DDC: variants seen among roughly 807,000 people sequenced by gnomAD.
DDC encodes aromatic-L-amino-acid decarboxylase.
DDC carries 43 observed loss-of-function variants against 60.0 expected under a neutral mutation model. The observed-to-expected ratio is 0.72, with a 90% CI of 0.56 to 0.92. The LOEUF is 0.92. DDC is among the 40% of genes least tolerant of loss of function. The probability of loss-of-function intolerance (pLI) is 0.00; values close to 1 mark genes in which losing one functional copy is unlikely to be tolerated. For missense variants in DDC, 573 were observed against 620.2 expected, an observed-to-expected ratio of 0.92 and a Z score of 0.81; for synonymous variants, 232 against 234.6, an observed-to-expected ratio of 0.99 and a Z score of 0.10.
At chr7:50,469,245 A>G in intron 12 of DDC, among the ~76,000 whole-genome samples, 1 of 110,066 alleles carries the variant, frequency 9.1e-6, no homozygotes. Context: ...CACCCAGCCA[A>G]TTGTTATTTT....
intron 4 of DDC, among the ~76,000 whole-genome samples, chr7:50,537,296 C>A (rs1299784372): frequency 6.6e-6 from 1 of 152,220 alleles, no homozygotes; most frequent in East Asian, 1.9e-4. Flanking sequence ...GAAGCCTGGT[C>A]ACATCTGCCA....
At chr7:50,490,506 T>C (rs1349139156) in intron 9 of DDC, among the ~76,000 whole-genome samples, 1 of 152,116 alleles carries the variant, frequency 6.6e-6, no homozygotes, top group Non-Finnish European at 1.5e-5. Context: ...CCATCTCTAC[T>C]AAAAATACAA....
intron 11 of DDC, among the ~76,000 whole-genome samples, chr7:50,475,178 C>A (rs1411710002): frequency 6.6e-6 from 1 of 152,144 alleles, no homozygotes; most frequent in Non-Finnish European, 1.5e-5. Flanking sequence ...CTGAGAAAGG[C>A]CACGAACCAG....
intron 6 of DDC, among the ~76,000 whole-genome samples, chr7:50,517,553 A>G (rs1207835261): frequency 2.6e-5 from 4 of 152,188 alleles, no homozygotes; most frequent in Admixed American, 1.3e-4. Flanking sequence ...TCTTTACAAC[A>G]TAGTACTGGA....
intron 6 of DDC, chr7:50,527,895 C>A (rs900558840): frequency 9.4e-6 from 4 of 426,110 alleles, no homozygotes; most frequent in African/African-American, 2.0e-5. Context: ...AAAAGCGTTT[C>A]TCAAAGATTA....
intron 4 of DDC, 60 bp downstream of exon 4, chr7:50,537,790 CCCACCTGCGG>C: frequency 6.2e-7 from 1 of 1,600,346 alleles, no homozygotes; most frequent in Non-Finnish European, 8.6e-7. Context: ...TGCCTCTTTC[CCCACCTGCGG>C]CTACAGTCCT....
At chr7:50,532,841 C>T (rs970160874) in intron 4 of DDC, among the ~76,000 whole-genome samples, 1 of 152,082 alleles carries the variant, frequency 6.6e-6, no homozygotes, top group African/African-American at 2.4e-5. Context: ...CCTAGAAATG[C>T]TTCAATTTTT....
intron 14 of DDC, among the ~76,000 whole-genome samples, chr7:50,459,156 G>A (rs1166040351): frequency 2.6e-5 from 4 of 152,226 alleles, no homozygotes; most frequent in Non-Finnish European, 4.4e-5. Context: ...ACGGGGTTTC[G>A]CTGTGTTGGC....
intron 6 of DDC, among the ~76,000 whole-genome samples, chr7:50,505,818 C>T (rs1199824831): frequency 6.6e-6 from 1 of 152,226 alleles, no homozygotes; most frequent in Non-Finnish European, 1.5e-5. Flanking sequence ...TGAGCTATGC[C>T]CAAGGGAGTC....
intron 11 of DDC, among the ~76,000 whole-genome samples, chr7:50,474,674 C>T (rs1016109564): frequency 6.6e-6 from 1 of 152,182 alleles, no homozygotes; most frequent in Admixed American, 6.5e-5. Flanking sequence ...GATTGTGCCC[C>T]AGGCCTTTGA....
intron 9 of DDC, among the ~76,000 whole-genome samples, chr7:50,488,363 G>T (rs1469845919): frequency 6.6e-6 from 1 of 151,738 alleles, no homozygotes; most frequent in African/African-American, 2.4e-5. Flanking sequence ...ATTACTTAAA[G>T]GTCGTTTCTA....
chr7:50,540,473 C>T (rs2044588575), intron 2 of DDC, among the ~76,000 whole-genome samples: 1 of 138,428 alleles, frequency 7.2e-6, no homozygotes, highest in African/African-American at 2.7e-5. Context: ...AATAAAGTCT[C>T]CATTAAAAAC....
chr7:50,496,755 C>G lies in DDC; in HGVS notation c.877-1338G>C, dbSNP rs533657981. Among the ~76,000 whole-genome samples, 15 of 152,260 alleles carry G rather than the reference C, an allele frequency of 9.9e-5. No individual in the cohort carries two copies. In the East Asian group the frequency reaches 2.9e-3, roughly 29 times the overall value. Reference sequence around the variant, plus strand: ...CAGTGAGGCGCCAGTCTGGCCGACTCTCCTACTGGGAAACTTTTCAGTCTT... The same window carrying G: ...CAGTGAGGCGCCAGTCTGGCCGACTGTCCTACTGGGAAACTTTTCAGTCTT... On this transcript the variant is annotated intron_variant, in intron 8 of 14. Transcript: ENST00000444124.
chr7:50,494,508 AAAAG>A (rs1056957881), intron 9 of DDC, among the ~76,000 whole-genome samples: 4 of 151,952 alleles, frequency 2.6e-5, no homozygotes, highest in South Asian at 2.1e-4. Context: ...TGTCTCAAAA[AAAAG>A]AAAGAAAGAA....
chr7:50,462,284 G>T (rs1014143694), intron 14 of DDC, among the ~76,000 whole-genome samples: 10 of 146,794 alleles, frequency 6.8e-5, no homozygotes, highest in Admixed American at 4.7e-4. Context: ...TACCCCAACA[G>T]GATGACATTC....
intron 14 of DDC, among the ~76,000 whole-genome samples, chr7:50,462,046 A>G (rs2042285296): frequency 6.6e-6 from 1 of 152,146 alleles, no homozygotes; most frequent in African/African-American, 2.4e-5. Context: ...CACAATTAAA[A>G]TCAACAGCAA....
At chr7:50,510,063 C>CG (rs1172302512) in intron 6 of DDC, among the ~76,000 whole-genome samples, 1 of 152,054 alleles carries the variant, frequency 6.6e-6, no homozygotes, top group African/African-American at 2.4e-5. Context: ...CTCCGCCTCC[C>CG]GGGGTTCAGG....
At chr7:50,525,641 G>A (rs910897259) in intron 6 of DDC, among the ~76,000 whole-genome samples, 5 of 151,998 alleles carry the variant, frequency 3.3e-5, no homozygotes, top group African/African-American at 1.2e-4. Flanking sequence ...GTACACACCT[G>A]TAATCCCAGC....
At chr7:50,494,939 A>G (rs6951323) in intron 9 of DDC, among the ~76,000 whole-genome samples, 2,915 of 152,302 alleles carry the variant, frequency 0.019, 168 homozygotes, top group Admixed American at 0.12. Context: ...CTGGGATTAC[A>G]GGTGTGAGCC....
Sources: allele counts gnomAD v4.1 joint callset (sites outside exome capture counted in the v4.1 genomes callset), GRCh38; gene constraint gnomAD v4.1.1; transcripts MANE v1.5; gene names NCBI Gene and HGNC (gene_info 2026-07-23, HGNC 2026-07-21).